Variants in NR3C2 observed in about 807,000 individuals in gnomAD.
The protein encoded by NR3C2 is nuclear receptor subfamily 3 group C member 2, also known as mineralocorticoid receptor.
NR3C2 carries 15 observed loss-of-function variants against 86.4 expected under a neutral mutation model. The ratio of observed to expected loss-of-function variants is 0.17; its 90% CI spans 0.12 to 0.27. NR3C2 has a LOEUF of 0.27. Among genes scored for constraint, NR3C2 ranks in the 10% least tolerant of loss-of-function variants. NR3C2 has a pLI of 1.00. For missense variants in NR3C2, 960 were observed against 1,195.6 expected (o/e 0.80, Z 2.91); for synonymous variants, 458 against 450.5 (o/e 1.02, Z -0.21).
chr4:148,294,665 G>A (rs1269851111), intron 2 of NR3C2, among the ~76,000 whole-genome samples: 2 of 108,058 alleles, frequency 1.9e-5, no homozygotes, highest in African/African-American at 7.0e-5. Flanking sequence ...CCTTCTAAAA[G>A]TCCTCATTGA....
At chr4:148,143,947 C>CAAAAAAAAAAAAAA (rs67177081) in intron 6 of NR3C2, among the ~76,000 whole-genome samples, 1 of 64,422 alleles carries the variant, frequency 1.6e-5, no homozygotes, top group Non-Finnish European at 2.7e-5. Context: ...AACTCTGTCT[C>CAAAAAAAAAAAAAA]AAAAAAAAAA....
intron 2 of NR3C2, among the ~76,000 whole-genome samples, chr4:148,411,260 T>C (rs1177522082): frequency 1.1e-4 from 17 of 152,104 alleles, no homozygotes; most frequent in Admixed American, 1.1e-3. Flanking sequence ...TTGTTGTTGC[T>C]GTCACTTGGG....
intron 2 of NR3C2, among the ~76,000 whole-genome samples, chr4:148,289,817 C>A (rs539735548): frequency 6.6e-6 from 1 of 151,962 alleles, no homozygotes; most frequent in Non-Finnish European, 1.5e-5. Flanking sequence ...TCTGATAATG[C>A]GAGGGAACAT....
rs953363535 is a variant in NR3C2 at position 148,271,500 on chromosome 4, A to C, written c.1758-11383T>G. On this transcript the variant is annotated intron_variant, in intron 2 of 8. Transcript: ENST00000358102. Reference sequence around the variant, plus strand: ...TAAGATTTTCGGCACACACTGAACTAGTGCTGCTCCATGTGGCCACACGAA... The same window carrying C: ...TAAGATTTTCGGCACACACTGAACTCGTGCTGCTCCATGTGGCCACACGAA... 3.9e-5 allele frequency among the ~76,000 whole-genome samples: 6 copies of C among 152,270 alleles called. No homozygotes were observed. In the South Asian group the frequency reaches 1.0e-3, roughly 26 times the overall value.
At chr4:148,389,421 G>T (rs189007335) in intron 2 of NR3C2, among the ~76,000 whole-genome samples, 1 of 152,108 alleles carries the variant, frequency 6.6e-6, no homozygotes, top group African/African-American at 2.4e-5. Flanking sequence ...CACTATTTTC[G>T]AAATAGTAAT....
chr4:148,107,518 A>G (rs1377435368), intron 8 of NR3C2, among the ~76,000 whole-genome samples: 1 of 152,246 alleles, frequency 6.6e-6, no homozygotes, highest in African/African-American at 2.4e-5. Context: ...AGGATTATAA[A>G]TCATTCTACC....
At chr4:148,243,628 A>C (rs562915559) in intron 3 of NR3C2, among the ~76,000 whole-genome samples, 2 of 152,352 alleles carry the variant, frequency 1.3e-5, no homozygotes, top group Admixed American at 1.3e-4. Context: ...TAACAAATAC[A>C]ATTTCCACAT....
In NR3C2 at chr4:148,323,532, C is replaced by T. The variant is rs536826237; in HGVS notation, c.1758-63415G>A. Among the ~76,000 whole-genome samples, 193 of 116,050 alleles carry T rather than the reference C, an allele frequency of 1.7e-3. 1 individual carries two copies. Among genetic ancestry groups the T allele is most frequent in the African/African-American group, 4.3e-3 (140 of 32,818 alleles). The allele number at this position is 116,050 out of a possible 152,430, so 76.1% of individuals were successfully genotyped here. A position where few individuals can be genotyped will look rare whatever the true frequency, so the allele number is the denominator to read the frequency against. On this transcript the variant is annotated intron_variant, in intron 2 of 8. Transcript: ENST00000358102. Reference sequence around the variant, plus strand: ...ACTGCTGTGCTAGCAATCAGCGAGACTCCGTGAGTGTAGGACCCTCCGAGC... The same window carrying T: ...ACTGCTGTGCTAGCAATCAGCGAGATTCCGTGAGTGTAGGACCCTCCGAGC...
At chr4:148,171,934 C>T (rs1735146571) in intron 4 of NR3C2, among the ~76,000 whole-genome samples, 1 of 152,112 alleles carries the variant, frequency 6.6e-6, no homozygotes. Flanking sequence ...GTACAGATTC[C>T]TGACTCTGAC....
intron 8 of NR3C2, among the ~76,000 whole-genome samples, chr4:148,110,849 T>C: frequency 6.6e-6 from 1 of 152,016 alleles, no homozygotes; most frequent in East Asian, 1.9e-4. Context: ...CATGAAAAAA[T>C]GATTTCCAAG....
intron 2 of NR3C2, among the ~76,000 whole-genome samples, chr4:148,289,020 A>G (rs996348069): frequency 2.0e-5 from 3 of 152,176 alleles, no homozygotes; most frequent in African/African-American, 7.2e-5. Context: ...ATTAAAAGAA[A>G]CTTATGAGAC....
intron 2 of NR3C2, among the ~76,000 whole-genome samples, chr4:148,401,485 A>C (rs1244256783): frequency 1.7e-5 from 2 of 116,952 alleles, no homozygotes; most frequent in Non-Finnish European, 3.4e-5. Context: ...TTTTTTTGAG[A>C]CAGAGTCTTG....
At chr4:148,326,436 A>T (rs1295685456) in intron 2 of NR3C2, among the ~76,000 whole-genome samples, 1 of 151,214 alleles carries the variant, frequency 6.6e-6, no homozygotes, top group Non-Finnish European at 1.5e-5. Context: ...AAAAAATAAA[A>T]AATAAATATT....
intron 2 of NR3C2, among the ~76,000 whole-genome samples, chr4:148,362,297 G>C (rs1745877011): frequency 6.6e-6 from 1 of 152,108 alleles, no homozygotes; most frequent in Non-Finnish European, 1.5e-5. Context: ...GTATTATACA[G>C]TTTCATATAG....
chr4:148,155,745 GAATTGGA>G (rs1734349025), intron 4 of NR3C2, among the ~76,000 whole-genome samples: 1 of 150,706 alleles, frequency 6.6e-6, no homozygotes. Context: ...TTTCTTCACG[GAATTGGA>G]AAAAACTACT....
intron 8 of NR3C2, among the ~76,000 whole-genome samples, chr4:148,104,507 C>T (rs755305800): frequency 3.9e-5 from 6 of 151,938 alleles, no homozygotes; most frequent in African/African-American, 1.2e-4. Context: ...AGCATAACAC[C>T]GCTAACAATT....
chr4:148,129,505 T>C (rs537250338), intron 6 of NR3C2, among the ~76,000 whole-genome samples: 16 of 152,356 alleles, frequency 1.1e-4, no homozygotes, highest in Non-Finnish European at 1.9e-4. Flanking sequence ...AATTTTGTTA[T>C]GTGTATTTTT....
intron 4 of NR3C2, among the ~76,000 whole-genome samples, chr4:148,185,846 G>C (rs539034488): frequency 5.3e-5 from 8 of 152,230 alleles, no homozygotes; most frequent in African/African-American, 1.9e-4. Context: ...TGTCTGAAGA[G>C]TATTCTGTAA....
At chr4:148,332,327 T>C (rs1402643038) in intron 2 of NR3C2, among the ~76,000 whole-genome samples, 1 of 152,204 alleles carries the variant, frequency 6.6e-6, no homozygotes, top group East Asian at 1.9e-4. Context: ...CTACCTCTGG[T>C]AACGTAAATG....
Sources: gnomAD v4.1 joint callset for allele counts (sites outside exome capture counted in the v4.1 genomes callset) on GRCh38, gnomAD v4.1.1 for gene constraint, MANE v1.5 for transcripts, NCBI Gene and HGNC (gene_info 2026-07-23, HGNC 2026-07-21) for gene names.